The following CELF5 variants were observed in gnomAD, a reference collection of about 807,000 sequenced individuals.
CELF5 encodes the protein CUG-BP and ETR-3 like factor 5.
A neutral mutation model predicts 54.9 loss-of-function variants in CELF5; 6 were observed. The ratio of observed to expected loss-of-function variants is 0.11; its 90% CI spans 0.06 to 0.22. The LOEUF (loss-of-function observed/expected upper bound fraction) is 0.22. Among genes scored for constraint, CELF5 ranks in the 10% least tolerant of loss-of-function variants. The probability of loss-of-function intolerance (pLI) is 1.00; values close to 1 mark genes in which losing one functional copy is unlikely to be tolerated. For synonymous variants in CELF5, 271 were observed against 290.9 expected (o/e 0.93, Z 0.70); for missense variants, 401 against 678.6 (o/e 0.59, Z 4.54).
At chr19:3,270,540 T>C (rs941686387) in intron 2 of CELF5, 1 of 147,376 alleles carries the variant, frequency 6.8e-6, no homozygotes, top group African/African-American at 2.5e-5. Flanking sequence ...CGCCTGGGCG[T>C]CGGGCGCAGG....
chr19:3,260,655 C>T (rs571123951), intron 2 of CELF5, among the ~76,000 whole-genome samples: 20 of 145,814 alleles, frequency 1.4e-4, no homozygotes, highest in East Asian at 6.1e-4. Context: ...CAGAGTCTCA[C>T]GCTGTCGCCC....
At chr19:3,285,866 T>G (rs1171219571) in intron 9 of CELF5, 76 bp from the exon 10 acceptor site, 9 of 130,008 alleles carry the variant, frequency 6.9e-5, no homozygotes, top group African/African-American at 3.2e-4. Context: ...CCCCGCCCCC[T>G]CCCCGCCCAG....
intron 2 of CELF5, among the ~76,000 whole-genome samples, chr19:3,258,073 G>T (rs184679831): frequency 9.2e-5 from 14 of 151,534 alleles, no homozygotes; most frequent in African/African-American, 3.4e-4. Context: ...CAATTCTCCT[G>T]ACTCGGCCTC....
rs1288951295 is a variant in CELF5, at chr19:3,275,616, GCGCCA to G, written c.395-238_395-234del. On this transcript the variant is annotated intron_variant, in intron 3 of 12. Transcript: ENST00000292672. The surrounding 1 kb of genome is among the most constrained non-coding windows in gnomAD (Gnocchi z 6.7). ...TGCAGGGAGGGCATTCCAGGCGGGG[GCGCCA>G]CCTGGGCAAAGGCCGGGAGATGGGA... Among the ~76,000 whole-genome samples the G allele has an allele frequency of 3.9e-5, 6 of 152,216 alleles. No individual in the cohort carries two copies. The highest frequency in any genetic ancestry group is 2.0e-4 in the Admixed American group (3 of 15,290).
intron 2 of CELF5, among the ~76,000 whole-genome samples, chr19:3,252,359 T>C (rs933251326): frequency 1.2e-4 from 18 of 152,186 alleles, no homozygotes; most frequent in African/African-American, 3.9e-4. Context: ...TGGTCAGCTT[T>C]GTCCTCTTTG....
At chr19:3,285,868 C>T in intron 9 of CELF5, 74 bp from the exon 10 acceptor site, 3 of 1,108,406 alleles carry the variant, frequency 2.7e-6, no homozygotes, top group Non-Finnish European at 2.4e-6. Flanking sequence ...CCGCCCCCTC[C>T]CCGCCCAGCG....
At position 3,284,991 on chromosome 19, in the gene CELF5, TGGGCCCTGGCCCCGCCCCCGCCTA is replaced by T. The variant is rs1337573358; in HGVS notation, c.1102+34_1102+57del. ...TAGGAGGCAGCCCGCGTGCCCGCGC[TGGGCCCTGGCCCCGCCCCCGCCTA>T]GGGCCCCGCCCCCAGGGCCCGCCCC... On this transcript the variant is annotated intron_variant, in intron 9 of 12. Transcript: ENST00000292672. 4.6e-6 allele frequency: 7 copies of T among 1,513,900 alleles called. No homozygotes were observed. In the Admixed American group the frequency reaches 5.3e-5, roughly 12 times the overall value. The allele number at this position is 1,513,900 out of a possible 1,614,324, so 93.8% of individuals were successfully genotyped here.
At position 3,243,196 on chromosome 19, in the gene CELF5, TG is replaced by T. The variant is rs550869551; in HGVS notation, c.260-7788del. 7.9e-5 allele frequency among the ~76,000 whole-genome samples: 12 copies of T among 152,246 alleles called. No homozygotes were observed. The South Asian group carries it at 2.5e-3, about 32-fold the overall frequency. On this transcript the variant is annotated intron_variant, in intron 1 of 12. Transcript: ENST00000292672. ...TTTTTTCTTTGGTTTTTAATTTTTT[TG>T]TTTTGGGGTATTTGTGTATGTGTGT...
intron 3 of CELF5, among the ~76,000 whole-genome samples, chr19:3,274,660 C>T (rs2080018616): frequency 6.6e-6 from 1 of 152,286 alleles, no homozygotes; most frequent in Non-Finnish European, 1.5e-5. Flanking sequence ...GGACCCAAAT[C>T]TAGTCATTCT....
At chr19:3,241,606 T>C (rs1315195325) in intron 1 of CELF5, among the ~76,000 whole-genome samples, 2 of 151,744 alleles carry the variant, frequency 1.3e-5, no homozygotes, top group Non-Finnish European at 2.9e-5. Context: ...GGTGAGAGGC[T>C]CACCTGGCGT....
rs759584916 is a variant in CELF5 at position 3,224,830 on chromosome 19, C to G, written c.91C>G (p.Pro31Ala). 2 of 1,580,994 alleles carry G rather than the reference C, an allele frequency of 1.3e-6. No individual in the cohort carries two copies. The highest frequency in any genetic ancestry group is 3.6e-5 in the Admixed American group (2 of 54,976). The change falls in exon 1 of 13, where the codon CCC becomes GCC. Residue 31 changes from proline to alanine, a missense_variant. Around this residue, in one of 6 missense-constraint regions of CELF5, gnomAD observed 46 missense variants for 55.0 expected, o/e 0.84. Transcript: ENST00000292672. ...GCCCGTGGGCAGCAGCGGGCCCGAG[C>G]CCCCCGGGGGGCAGCCCGACGGCAT... The part of the protein sequence containing the change: ...PSPVGSSGPE[P>A]PGGQPDGMKD...
Position 3,245,060 on chromosome 19 carries a change from G to GTT in CELF5, c.260-5924_260-5923dup, listed in dbSNP as rs1340038299. 2.0e-5 allele frequency among the ~76,000 whole-genome samples: 3 copies of GTT among 147,530 alleles called. No individual in the cohort carries two copies. In the East Asian group the frequency reaches 6.2e-4, roughly 30 times the overall value. ...GCATCTTGTCCACGTGTGCGTATGT[G>GTT]TTGTGTGTGTATGCATCTGTGTGTG... On this transcript the variant is annotated intron_variant, in intron 1 of 12. Coordinates refer to ENST00000292672, the MANE Select transcript of CELF5 (RefSeq NM_021938.4).
intron 2 of CELF5, among the ~76,000 whole-genome samples, chr19:3,259,029 T>C (rs2079770693): frequency 6.6e-6 from 1 of 152,108 alleles, no homozygotes; most frequent in South Asian, 2.1e-4. Context: ...GCAGCCTGCG[T>C]GGACGATTTA....
At chr19:3,285,029 A>AGGGCCCCGCCCCCG in intron 9 of CELF5, 65 bp downstream of exon 9, 2 of 1,118,982 alleles carry the variant, frequency 1.8e-6, no homozygotes, top group Non-Finnish European at 2.5e-6. Flanking sequence ...CCCCGCCCCC[A>AGGGCCCCGCCCCCG]GGGCCCGCCC....
chr19:3,249,683 A>G (rs969068415), intron 1 of CELF5, among the ~76,000 whole-genome samples: 9 of 151,340 alleles, frequency 5.9e-5, no homozygotes, highest in Admixed American at 5.3e-4. Flanking sequence ...CCACCATGCC[A>G]CACCCTCTCA....
chr19:3,241,874 G>A (rs915534138), intron 1 of CELF5, among the ~76,000 whole-genome samples: 1 of 152,148 alleles, frequency 6.6e-6, no homozygotes, highest in Non-Finnish European at 1.5e-5. Flanking sequence ...TCCCGGGTTC[G>A]AGCAATTCTC....
chr19:3,277,931 C>A, intron 4 of CELF5, 100 bp from the exon 5 acceptor site: 1 of 839,878 alleles, frequency 1.2e-6, no homozygotes, highest in Non-Finnish European at 2.0e-6. Context: ...ATGTGTCTGA[C>A]ACTGGCCATG....
chr19:3,243,550 G>A (rs1309255272), intron 1 of CELF5, among the ~76,000 whole-genome samples: 1 of 152,172 alleles, frequency 6.6e-6, no homozygotes, highest in African/African-American at 2.4e-5. Flanking sequence ...TGAAGGTGCC[G>A]GGATTCCAGG....
intron 1 of CELF5, among the ~76,000 whole-genome samples, chr19:3,227,799 CT>C (rs1216256964): frequency 2.6e-5 from 4 of 152,246 alleles, no homozygotes; most frequent in South Asian, 4.1e-4. Flanking sequence ...ATTACCCCCC[CT>C]GCCTTCCTCC....
Sources: allele counts gnomAD v4.1 joint callset (sites outside exome capture counted in the v4.1 genomes callset), GRCh38; gene constraint gnomAD v4.1.1; regional missense constraint gnomAD v4.1.1; non-coding constraint Gnocchi (gnomAD v3.1); transcripts MANE v1.5; gene names NCBI Gene and HGNC (gene_info 2026-07-23, HGNC 2026-07-21).